CLUH: variants seen among roughly 807,000 people sequenced by gnomAD.
The protein encoded by CLUH is clustered mitochondria protein homolog.
A neutral mutation model predicts 139.3 loss-of-function variants in CLUH; 77 were observed. The observed-to-expected ratio is 0.55, with a 90% CI of 0.46 to 0.67. The LOEUF (loss-of-function observed/expected upper bound fraction) is 0.67, where lower values mean the gene tolerates loss of function less well. Ranked by LOEUF, CLUH falls within the 30% of genes least tolerant of loss-of-function variation. CLUH has a pLI of 0.00. For synonymous variants in CLUH, 999 were observed against 801.6 expected, an observed-to-expected ratio of 1.25 and a Z score of -4.16; for missense variants, 1,876 against 1,875.8, an observed-to-expected ratio of 1.00 and a Z score of 0.00.
At position 2,701,920 on chromosome 17, in the gene CLUH, G is replaced by A. The variant is rs1304430312; in HGVS notation, c.613C>T (p.Leu205=). ...GCCCCAGTGCCTCCCGCACCTCCCA[G>A]GTCGCCGTCGGTGAAGACACTCAGG... ...SFLSVFTDGD[L]GDSGKRKKGL... is the part of the protein sequence containing the mutation. The change falls in exon 4 of 26, where the codon CTG becomes TTG. Residue 205 remains leucine, a synonymous_variant. Coordinates refer to ENST00000651024, the MANE Select transcript of CLUH (RefSeq NM_001366661.1). The A allele has an allele frequency of 6.2e-7, 1 of 1,613,642 alleles. No individual in the cohort carries two copies. The highest frequency in any genetic ancestry group is 2.2e-5 in the East Asian group (1 of 44,888).
At chr17:2,695,161 C>T (rs921220776) in intron 15 of CLUH, 57 bp downstream of exon 15, 21 of 1,613,332 alleles carry the variant, frequency 1.3e-5, no homozygotes, top group Admixed American at 1.7e-5. Context: ...GGCTCTTTCC[C>T]GACGCCCCAC....
Position 2,698,522 on chromosome 17 carries a change from G to A in CLUH, c.1335C>T (p.Ala445=), listed in dbSNP as rs2070056149. 1 of 1,612,554 alleles carries A rather than the reference G, an allele frequency of 6.2e-7. No individual in the cohort carries two copies. Among genetic ancestry groups the A allele is most frequent in the African/African-American group, 1.3e-5 (1 of 74,912 alleles). ...AMAVIDGNVM[A]INPSEETKMQ... is the part of the protein sequence containing the mutation. ...TCTTGGTCTCCTCGCTGGGGTTGAT[G>A]GCCATCACGTTGCCGTCAATGACGG... The change falls in exon 10 of 26, where the codon GCC becomes GCT. Residue 445 remains alanine (A), a synonymous_variant. Transcript: ENST00000651024.
In CLUH at chr17:2,704,636, C is replaced by G. The variant is rs1011957624; in HGVS notation, c.101-72G>C. ...GCGGGGCTGTCCGCCTGACCCCACA[C>G]GGGGACACGTGCCTTCTGGAAAGGC... is the stretch of plus-strand genomic sequence containing the variant. On this transcript the variant is annotated intron_variant, in intron 1 of 25. Coordinates refer to ENST00000651024, the MANE Select transcript of CLUH (RefSeq NM_001366661.1). The surrounding 1 kb of genome is among the most constrained non-coding windows in gnomAD (Gnocchi z 5.7). 18 of 1,395,800 alleles carry G rather than the reference C, an allele frequency of 1.3e-5. No homozygotes were observed. The highest frequency in any genetic ancestry group is 1.7e-5 in the Non-Finnish European group (18 of 1,040,490). The allele number at this position is 1,395,800 out of a possible 1,614,324, so 86.5% of individuals were successfully genotyped here.
chr17:2,696,755 C>G lies in CLUH; in HGVS notation c.2149G>C (p.Glu717Gln), dbSNP rs761490405. The change falls in exon 11 of 26, where the codon GAG becomes CAG. Residue 717 changes from glutamate to glutamine, a missense_variant. Glu to Gln is a conservative substitution (Grantham distance 29). Transcript: ENST00000651024. ...SSASGLAKVK[E>Q]LAETIAADDG... ...TCTGCGGCGATGGTCTCTGCCAGCT[C>G]CTTCACCTTGGCCAGGCCGCTGGCG... is the stretch of plus-strand genomic sequence containing the variant. 1.2e-6 allele frequency: 2 copies of G among 1,612,550 alleles called. No individual in the cohort carries two copies. The highest frequency in any genetic ancestry group is 1.7e-6 in the Non-Finnish European group (2 of 1,179,878).
chr17:2,690,689 G>A lies in CLUH; in HGVS notation c.3952C>T (p.Pro1318Ser), dbSNP rs1326532852. 3.2e-6 allele frequency: 5 copies of A among 1,564,256 alleles called. No homozygotes were observed. Among genetic ancestry groups the A allele is most frequent in the East Asian group, 4.8e-5 (2 of 41,386 alleles). The change falls in exon 26 of 26, where the codon CCC (proline) becomes TCC (serine). Residue 1318 changes from proline to serine, a missense_variant. Pro to Ser is a moderately conservative substitution (Grantham distance 74). Around this residue, in one of 3 missense-constraint regions of CLUH, gnomAD observed 1,454 missense variants for 1,384.4 expected, o/e 1.05. Coordinates refer to ENST00000651024, the MANE Select transcript of CLUH (RefSeq NM_001366661.1). The stretch of plus-strand genomic sequence containing the variant: ...GCTGGCGCGGGCTCGGTAGCCATGG[G>A]CTCCTCGGCTCTATCCCTGTTTCTG... Reference protein sequence around the residue: ...ASRNRDRAEEPMATEPAPAGA... With the variant: ...ASRNRDRAEESMATEPAPAGA...
Position 2,703,534 on chromosome 17 carries a change from C to A in CLUH, c.304-45G>T, listed in dbSNP as rs369305571. ...CCCACCCCGGTGAGAGAGCACGTAGCGGGGAGAGAAGGCCCCAACCGCCCC... is the reference window on the plus strand; with the variant it reads ...CCCACCCCGGTGAGAGAGCACGTAGAGGGGAGAGAAGGCCCCAACCGCCCC... On this transcript the variant is annotated intron_variant, in intron 2 of 25. Transcript: ENST00000651024. The surrounding 1 kb of genome is among the most constrained non-coding windows in gnomAD (Gnocchi z 4.2). 1.3e-6 allele frequency: 2 copies of A among 1,591,498 alleles called. No homozygotes were observed. The highest frequency in any genetic ancestry group is 1.3e-5 in the African/African-American group (1 of 74,710).
rs1216497584 is a variant in CLUH at position 2,694,024 on chromosome 17, C to A, written c.3107G>T (p.Gly1036Val). The A allele has an allele frequency of 6.2e-7, 1 of 1,613,816 alleles. No individual in the cohort carries two copies. Among genetic ancestry groups the A allele is most frequent in the Non-Finnish European group, 8.5e-7 (1 of 1,179,854 alleles). ...AKVQQGFLKE[G>V]CELINEALNL... Reference sequence around the variant, plus strand: ...CAGGGCCTCATTGATGAGCTCACAGCCCTCCTTCAGGAAGCCTGCAGGGCA... The same window carrying A: ...CAGGGCCTCATTGATGAGCTCACAGACCTCCTTCAGGAAGCCTGCAGGGCA... The change falls in exon 19 of 26, where the codon GGC (glycine) becomes GTC (valine). Residue 1036 changes from glycine to valine, a missense_variant. Coordinates refer to ENST00000651024, the MANE Select transcript of CLUH (RefSeq NM_001366661.1).
At chr17:2,693,735 C>T (rs979983051) in intron 19 of CLUH, among the ~76,000 whole-genome samples, 165 bp downstream of exon 19, 1 of 152,316 alleles carries the variant, frequency 6.6e-6, no homozygotes, top group Admixed American at 6.5e-5. Context: ...CTGAGCTCTC[C>T]CGCTCGGGAC....
intron 1 of CLUH, 33 bp downstream of exon 1, chr17:2,711,529 G>T: frequency 1.1e-5 from 2 of 174,620 alleles, no homozygotes; most frequent in Middle Eastern, 2.9e-3. Context: ...GGCGCCCCCC[G>T]CCCAGCGGCC....
rs1315280010 is a variant in CLUH at position 2,703,557 on chromosome 17, C to T, written c.304-68G>A. 3.3e-6 allele frequency: 5 copies of T among 1,530,674 alleles called. No homozygotes were observed. The highest frequency in any genetic ancestry group is 4.5e-6 in the Non-Finnish European group (5 of 1,119,942). The allele number at this position is 1,530,674 out of a possible 1,614,324, so 94.8% of individuals were successfully genotyped here. A position where few individuals can be genotyped will look rare whatever the true frequency, so the allele number is the denominator to read the frequency against. The stretch of plus-strand genomic sequence containing the variant: ...AGCGGGGAGAGAAGGCCCCAACCGC[C>T]CCGGTGAGAGGCCACGTAGCGGACA... On this transcript the variant is annotated intron_variant, in intron 2 of 25. Transcript: ENST00000651024. This position sits in a 1 kb window ranked among gnomAD's most constrained non-coding sequence, Gnocchi z 4.2.
At position 2,704,380 on chromosome 17, in the gene CLUH, G is replaced by A. The variant is rs201016965; in HGVS notation, c.285C>T (p.Ile95=). 40 of 1,611,076 alleles carry A rather than the reference G, an allele frequency of 2.5e-5. No homozygotes were observed. Among genetic ancestry groups the A allele is most frequent in the South Asian group, 2.2e-5 (2 of 90,262 alleles). ...ATCTTACCTGCAGGGAGAAGGGCTC[G>A]ATCCCAGGGGCGAGGATCTTCACAG... The part of the protein sequence containing the change: ...GFSVKILAPG[I]EPFSLQVSPQ... Residue 95 remains isoleucine, a synonymous_variant, in exon 2 of 26, where the codon ATC becomes ATT. Transcript: ENST00000651024. This position sits in a 1 kb window ranked among gnomAD's most constrained non-coding sequence, Gnocchi z 5.7.
rs766627052 is a variant in CLUH, at chr17:2,703,538, G to A, written c.304-49C>T. ...CCCCGGTGAGAGAGCACGTAGCGGGGAGAGAAGGCCCCAACCGCCCCGGTG... is the reference window on the plus strand; with the variant it reads ...CCCCGGTGAGAGAGCACGTAGCGGGAAGAGAAGGCCCCAACCGCCCCGGTG... On this transcript the variant is annotated intron_variant, in intron 2 of 25. Coordinates refer to ENST00000651024, the MANE Select transcript of CLUH (RefSeq NM_001366661.1). The surrounding 1 kb of genome is among the most constrained non-coding windows in gnomAD (Gnocchi z 4.2). 6.3e-7 allele frequency: 1 copy of A among 1,587,868 alleles called. No homozygotes were observed. Among genetic ancestry groups the A allele is most frequent in the Non-Finnish European group, 8.6e-7 (1 of 1,163,772 alleles).
chr17:2,709,793 G>C (rs1018909032), intron 1 of CLUH, among the ~76,000 whole-genome samples: 2 of 152,088 alleles, frequency 1.3e-5, no homozygotes, highest in Non-Finnish European at 2.9e-5. Context: ...CTTCATTAAG[G>C]CTCCTTCCTT....
chr17:2,700,549 A>C (rs753795595), intron 8 of CLUH, 75 bp from the exon 9 acceptor site: 6 of 1,557,566 alleles, frequency 3.9e-6, no homozygotes, highest in Non-Finnish European at 5.2e-6. Flanking sequence ...CGCTCCTTCT[A>C]CCTTCCTGAG....
Position 2,690,702 on chromosome 17 carries a change from A to G in CLUH, c.3939T>C (p.Asp1313=), listed in dbSNP as rs1234361004. The G allele has an allele frequency of 6.4e-6, 10 of 1,561,876 alleles. No individual in the cohort carries two copies. Among genetic ancestry groups the G allele is most frequent in the Non-Finnish European group, 8.6e-6 (10 of 1,160,928 alleles). ...HQLQEASRNR[D]RAEEPMATEP... is the part of the protein sequence containing the mutation. The stretch of plus-strand genomic sequence containing the variant: ...CGGTAGCCATGGGCTCCTCGGCTCT[A>G]TCCCTGTTTCTGCTGGCCTCCTGGA... Residue 1313 remains aspartate, a synonymous_variant, in exon 26 of 26, where the codon GAT becomes GAC. Coordinates refer to ENST00000651024, the MANE Select transcript of CLUH (RefSeq NM_001366661.1).
rs891593925 is a variant in CLUH at position 2,698,402 on chromosome 17, C to T, written c.1455G>A (p.Val485=). The change falls in exon 10 of 26, where the codon GTG becomes GTA. Residue 485 remains valine, a synonymous_variant. Coordinates refer to ENST00000651024, the MANE Select transcript of CLUH (RefSeq NM_001366661.1). ...CGCCATTCAGGTCGTTGGTGGGCGC[C>T]ACGTAGGCCGCCACGTCCCCCCCGA... The part of the protein sequence containing the change: ...KDFGGDVAAY[V]APTNDLNGVR... 5.0e-6 allele frequency: 8 copies of T among 1,613,158 alleles called. No individual in the cohort carries two copies. Among genetic ancestry groups the T allele is most frequent in the Non-Finnish European group, 6.8e-6 (8 of 1,179,782 alleles).
intron 25 of CLUH, 96 bp downstream of exon 25, chr17:2,691,513 A>G: frequency 2.4e-6 from 3 of 1,243,132 alleles, no homozygotes; most frequent in Non-Finnish European, 3.4e-6. Flanking sequence ...GTGAGCCGGG[A>G]TGGCGCCGCC....
chr17:2,694,004 C>A lies in CLUH; in HGVS notation c.3127G>T (p.Ala1043Ser). 3 of 1,613,924 alleles carry A rather than the reference C, an allele frequency of 1.9e-6. No individual in the cohort carries two copies. The highest frequency in any genetic ancestry group is 1.7e-6 in the Non-Finnish European group (2 of 1,179,858). ...TAGACGTTGTTAAACAGGTTCAGGG[C>A]CTCATTGATGAGCTCACAGCCCTCC... is the stretch of plus-strand genomic sequence containing the variant. ...LKEGCELINEALNLFNNVYGA... is the reference protein window; with the variant it reads ...LKEGCELINESLNLFNNVYGA... The change falls in exon 19 of 26, where the codon GCC becomes TCC. Residue 1043 changes from alanine to serine, a missense_variant. Physicochemically the swap from Ala to Ser is moderately conservative, Grantham distance 99. Around this residue, in one of 3 missense-constraint regions of CLUH, gnomAD observed 1,454 missense variants for 1,384.4 expected, o/e 1.05. Coordinates refer to ENST00000651024, the MANE Select transcript of CLUH (RefSeq NM_001366661.1).
chr17:2,694,284 G>A lies in CLUH; in HGVS notation c.2938-8C>T. The stretch of plus-strand genomic sequence containing the variant: ...GTACTCCTTCAGCAGGACCTGGGGG[G>A]CAGCCCCCCCACCACAGGAAGCCTC... On this transcript the variant is annotated splice_polypyrimidine_tract_variant and splice_region_variant and intron_variant, in intron 17 of 25. Coordinates refer to ENST00000651024, the MANE Select transcript of CLUH (RefSeq NM_001366661.1). 3 of 1,574,858 alleles carry A rather than the reference G, an allele frequency of 1.9e-6. No homozygotes were observed. Among genetic ancestry groups the A allele is most frequent in the Non-Finnish European group, 2.6e-6 (3 of 1,158,374 alleles).
Sources: allele counts gnomAD v4.1 joint callset (sites outside exome capture counted in the v4.1 genomes callset), GRCh38; gene constraint gnomAD v4.1.1; regional missense constraint gnomAD v4.1.1; non-coding constraint Gnocchi (gnomAD v3.1); transcripts MANE v1.5; gene names NCBI Gene and HGNC (gene_info 2026-07-23, HGNC 2026-07-21).